Variants in SCN11A observed in about 807,000 individuals in gnomAD.
SCN11A encodes the protein sodium channel protein type 11 subunit alpha.
SCN11A carries 122 observed loss-of-function variants against 162.2 expected under a neutral mutation model. That is an observed-to-expected ratio of 0.75 (90% CI 0.65 to 0.87). The LOEUF is 0.87. Ranked by LOEUF, SCN11A falls within the 40% of genes least tolerant of loss-of-function variation. The pLI is 0.00. For synonymous variants in SCN11A, 758 were observed against 751.5 expected (o/e 1.01, Z -0.14); for missense variants, 2,015 against 2,181.6 (o/e 0.92, Z 1.52).
Position 38,963,352 on chromosome 3 carries a change from GATATATATATAT to G in SCN11A, c.-279-2941_-279-2930del, listed in dbSNP as rs377651422. Among the ~76,000 whole-genome samples, 249 of 38,270 alleles carry G rather than the reference GATATATATATAT, an allele frequency of 6.5e-3. 1 individual carries two copies. Among genetic ancestry groups the G allele is most frequent in the African/African-American group, 0.016 (231 of 14,062 alleles). 25.1% of individuals were successfully genotyped at this position (38,270 alleles called of 152,430 possible). A position where few individuals can be genotyped will look rare whatever the true frequency, so the allele number is the denominator to read the frequency against. On this transcript the variant is annotated intron_variant, in intron 2 of 29. Coordinates refer to ENST00000302328, the MANE Select transcript of SCN11A (RefSeq NM_001349253.2). ...ATAAAGAAACTATATCTATTTGATG[GATATATATATAT>G]ATATATATATATATATATATATGAT...
At chr3:38,917,237 C>G (rs145594281) in intron 11 of SCN11A, among the ~76,000 whole-genome samples, 17 of 152,336 alleles carry the variant, frequency 1.1e-4, no homozygotes, top group African/African-American at 4.1e-4. Context: ...ATTAGTTCAA[C>G]CATTGTGGAA....
intron 13 of SCN11A, among the ~76,000 whole-genome samples, chr3:38,908,475 C>G (rs556186918): frequency 7.9e-5 from 12 of 152,210 alleles, no homozygotes; most frequent in Non-Finnish European, 1.8e-4. Context: ...TATAGAGGAT[C>G]AGTGCGAGTA....
In SCN11A at chr3:38,865,463, C is replaced by T. The variant is rs1215061775; in HGVS notation, c.3951+1858G>A. Among the ~76,000 whole-genome samples the T allele has an allele frequency of 2.0e-5, 3 of 152,036 alleles. No individual in the cohort carries two copies. The East Asian group carries it at 5.8e-4, about 29-fold the overall frequency. On this transcript the variant is annotated intron_variant, in intron 27 of 29. Transcript: ENST00000302328. ...ACTTTCCCAGCAGATGCTAAGAAGGCTAATTGGTATCAAGGTACATTTTGG... is the reference window on the plus strand; with the variant it reads ...ACTTTCCCAGCAGATGCTAAGAAGGTTAATTGGTATCAAGGTACATTTTGG...
intron 28 of SCN11A, among the ~76,000 whole-genome samples, 168 bp from the exon 29 acceptor site, chr3:38,850,919 C>A (rs1168370979): frequency 6.6e-6 from 1 of 152,098 alleles, no homozygotes. Context: ...AATCCCCAGG[C>A]TTGCCTTATA....
chr3:39,017,536 C>T (rs1160974142), intron 2 of SCN11A, among the ~76,000 whole-genome samples: 1 of 151,986 alleles, frequency 6.6e-6, no homozygotes, highest in African/African-American at 2.4e-5. Flanking sequence ...TGAGTATTTT[C>T]TGAGGTTCTT....
chr3:38,975,852 A>G (rs1354731576), intron 2 of SCN11A, among the ~76,000 whole-genome samples: 1 of 152,132 alleles, frequency 6.6e-6, no homozygotes, highest in Admixed American at 6.6e-5. Flanking sequence ...TGTTTAATGG[A>G]TATAGAGTTT....
At chr3:39,045,273 T>A (rs1356697665) in intron 1 of SCN11A, among the ~76,000 whole-genome samples, 1 of 152,138 alleles carries the variant, frequency 6.6e-6, no homozygotes, top group Non-Finnish European at 1.5e-5. Flanking sequence ...GGGGAGGGAA[T>A]TCTTCCAAAC....
chr3:38,920,733 G>A (rs1014266236), intron 10 of SCN11A, among the ~76,000 whole-genome samples: 1 of 151,152 alleles, frequency 6.6e-6, no homozygotes. Flanking sequence ...TACTTGAGGA[G>A]TGGGGCTGGG....
At chr3:38,949,171 C>T (rs1436225946) in intron 5 of SCN11A, among the ~76,000 whole-genome samples, 1 of 152,230 alleles carries the variant, frequency 6.6e-6, no homozygotes, top group Non-Finnish European at 1.5e-5. Context: ...CCTCCTAGGT[C>T]TCTAACCTCA....
chr3:38,987,905 T>C (rs1213260510), intron 2 of SCN11A, among the ~76,000 whole-genome samples: 3 of 152,156 alleles, frequency 2.0e-5, no homozygotes, highest in African/African-American at 7.2e-5. Context: ...TTTGCAGAGC[T>C]TGCACATAAC....
Position 38,880,104 on chromosome 3 carries a change from A to G in SCN11A, c.3239T>C (p.Leu1080Pro). The change falls in exon 23 of 30, where the codon CTT (leucine) becomes CCT (proline). Residue 1080 changes from leucine (L) to proline (P), a missense_variant. Physicochemically the swap from Leu to Pro is moderately conservative, Grantham distance 98. Coordinates refer to ENST00000302328, the MANE Select transcript of SCN11A (RefSeq NM_001349253.2). ...SGALIFEDVH[L>P]ENQPKIQELL... The stretch of plus-strand genomic sequence containing the variant: ...TTCTTGGATTTTGGGTTGGTTCTCA[A>G]GGTGAACATCTTCAAATATCTGAAA... The G allele has an allele frequency of 6.2e-7, 1 of 1,609,618 alleles. No homozygotes were observed. Among genetic ancestry groups the G allele is most frequent in the South Asian group, 1.1e-5 (1 of 90,648 alleles).
rs551937398 is a variant in SCN11A at position 38,899,788 on chromosome 3, G to T, written c.2022+106C>A. The T allele has an allele frequency of 1.5e-5, 13 of 867,944 alleles. No homozygotes were observed. In the South Asian group the frequency reaches 2.3e-4, roughly 15 times the overall value. The allele number at this position is 867,944 out of a possible 1,614,324, so 53.8% of individuals were successfully genotyped here. On this transcript the variant is annotated intron_variant, in intron 17 of 29. Coordinates refer to ENST00000302328, the MANE Select transcript of SCN11A (RefSeq NM_001349253.2). ...AGTGCAGTTTTGGTTCTGGGGTTAAGGTAAGATAAATTAAAGTTTAGTACA... is the reference window on the plus strand; with the variant it reads ...AGTGCAGTTTTGGTTCTGGGGTTAATGTAAGATAAATTAAAGTTTAGTACA...
At chr3:39,031,206 A>G (rs1010526194) in intron 2 of SCN11A, among the ~76,000 whole-genome samples, 1 of 152,190 alleles carries the variant, frequency 6.6e-6, no homozygotes, top group African/African-American at 2.4e-5. Flanking sequence ...CTTCAAAAGG[A>G]TATTGTAAAT....
intron 1 of SCN11A, among the ~76,000 whole-genome samples, chr3:39,050,698 C>A (rs1034232797): frequency 1.2e-4 from 18 of 152,160 alleles, no homozygotes; most frequent in African/African-American, 4.3e-4. Flanking sequence ...ATTCTAATAT[C>A]CATGACAAAA....
intron 19 of SCN11A, among the ~76,000 whole-genome samples, chr3:38,889,425 CA>C (rs1004697644): frequency 1.3e-3 from 183 of 146,144 alleles, no homozygotes; most frequent in African/African-American, 4.2e-3. Flanking sequence ...AACTCCGCCT[CA>C]AAAAAAAAAT....
At chr3:39,020,721 T>G (rs1407288547) in intron 2 of SCN11A, among the ~76,000 whole-genome samples, 1 of 152,166 alleles carries the variant, frequency 6.6e-6, no homozygotes, top group Non-Finnish European at 1.5e-5. Flanking sequence ...CTCTTTCTCT[T>G]GGGCTTCCTG....
intron 3 of SCN11A, among the ~76,000 whole-genome samples, chr3:38,956,645 C>T (rs552927924): frequency 1.3e-5 from 2 of 151,928 alleles, no homozygotes; most frequent in Non-Finnish European, 2.9e-5. Context: ...TTCTTGGTTC[C>T]GGAAAATAGT....
rs2064675078 is a variant in SCN11A at position 38,846,910 on chromosome 3, C to T, written c.5160G>A (p.Leu1720=). The change falls in exon 30 of 30, where the codon TTG becomes TTA. Residue 1720 remains leucine (L), a synonymous_variant. Coordinates refer to ENST00000302328, the MANE Select transcript of SCN11A (RefSeq NM_001349253.2). Reference sequence around the variant, plus strand: ...TGGTGGTGGTGACTATGGGTTCATACAACTTCTTGAGAGGATTGGCTTCCA... The same window carrying T: ...TGGTGGTGGTGACTATGGGTTCATATAACTTCTTGAGAGGATTGGCTTCCA... ...KFMEANPLKK[L]YEPIVTTTKR... is the part of the protein sequence containing the mutation. 6.2e-7 allele frequency: 1 copy of T among 1,613,978 alleles called. No individual in the cohort carries two copies. The highest frequency in any genetic ancestry group is 1.3e-5 in the African/African-American group (1 of 74,902).
At chr3:39,028,841 C>T (rs2031672073) in intron 2 of SCN11A, among the ~76,000 whole-genome samples, 1 of 152,138 alleles carries the variant, frequency 6.6e-6, no homozygotes, top group African/African-American at 2.4e-5. Flanking sequence ...CCCATGAGAG[C>T]AGCATTAATG....
Sources: gnomAD v4.1 joint callset for allele counts (sites outside exome capture counted in the v4.1 genomes callset) on GRCh38, gnomAD v4.1.1 for gene constraint, MANE v1.5 for transcripts, NCBI Gene and HGNC (gene_info 2026-07-23, HGNC 2026-07-21) for gene names.